Variants in SBF2 observed in about 807,000 individuals in gnomAD.
SBF2 encodes the protein SET binding factor 2.
In SBF2, 112 loss-of-function variants were observed where a neutral mutation model predicts 225.2. That is an observed-to-expected ratio of 0.50 (90% CI 0.43 to 0.58). The LOEUF (loss-of-function observed/expected upper bound fraction) is 0.58. Among genes scored for constraint, SBF2 ranks in the 20% least tolerant of loss-of-function variants. The pLI, the probability that SBF2 is intolerant of heterozygous loss-of-function variation, is 0.00. For synonymous variants in SBF2, 763 were observed against 773.3 expected (o/e 0.99, Z 0.22); for missense variants, 1,996 against 2,206.2 (o/e 0.90, Z 1.91).
chr11:9,802,840 C>A lies in SBF2; in HGVS notation c.4443+5160G>T, dbSNP rs1853569719. 2.0e-5 allele frequency among the ~76,000 whole-genome samples: 3 copies of A among 152,140 alleles called. 1 individual carries two copies. Among genetic ancestry groups the A allele is most frequent in the Admixed American group, 6.5e-5 (1 of 15,272 alleles). ...CTCTGTTTTTGAGTGAATAAACAAT[C>A]CCTTTTCAGCACAAAATAATTTGCA... is the stretch of plus-strand genomic sequence containing the variant. On this transcript the variant is annotated intron_variant, in intron 32 of 39. Coordinates refer to ENST00000256190, the MANE Select transcript of SBF2 (RefSeq NM_030962.4).
At chr11:9,823,603 G>T (rs74924820) in intron 28 of SBF2, among the ~76,000 whole-genome samples, 1 of 152,098 alleles carries the variant, frequency 6.6e-6, no homozygotes, top group Non-Finnish European at 1.5e-5. Context: ...ACTGTGAGTC[G>T]GTACAAGGAA....
rs1042978409 is a variant in SBF2, at chr11:10,164,434, C to T, written c.141+29468G>A. On this transcript the variant is annotated intron_variant, in intron 2 of 39. Transcript: ENST00000256190. ...ACTTTAAACTAAAAGAAATCAATCA[C>T]ATTTCCTATTCAAAAGAAACACACA... 3.9e-5 allele frequency among the ~76,000 whole-genome samples: 6 copies of T among 152,134 alleles called. No individual in the cohort carries two copies. In the South Asian group the frequency reaches 6.2e-4, roughly 16 times the overall value.
At position 10,000,577 on chromosome 11, in the gene SBF2, C is replaced by T. The variant is rs147955568; in HGVS notation, c.861+337G>A. Reference sequence around the variant, plus strand: ...TTATCAGGAATTTGGTATCAAGACACGTCTCACTTCAAAATATAAAACAAT... The same window carrying T: ...TTATCAGGAATTTGGTATCAAGACATGTCTCACTTCAAAATATAAAACAAT... On this transcript the variant is annotated intron_variant, in intron 8 of 39. Coordinates refer to ENST00000256190, the MANE Select transcript of SBF2 (RefSeq NM_030962.4). Among the ~76,000 whole-genome samples the T allele has an allele frequency of 2.9e-3, 441 of 152,142 alleles. 2 individuals carry two copies. Among genetic ancestry groups the T allele is most frequent in the Middle Eastern group, 0.01 (3 of 294 alleles).
chr11:10,151,993 A>G (rs1003848609), intron 2 of SBF2, among the ~76,000 whole-genome samples: 1 of 152,166 alleles, frequency 6.6e-6, no homozygotes, highest in African/African-American at 2.4e-5. Context: ...TATTTTCTGT[A>G]GCATTGTCAA....
Position 9,787,509 on chromosome 11 carries a change from C to G in SBF2, c.5037+125G>C, listed in dbSNP as rs572254060. 10 of 770,940 alleles carry G rather than the reference C, an allele frequency of 1.3e-5. No individual in the cohort carries two copies. In the South Asian group the frequency reaches 1.5e-4, roughly 11 times the overall value. The allele number at this position is 770,940 out of a possible 1,614,324, so 47.8% of individuals were successfully genotyped here. On this transcript the variant is annotated intron_variant, in intron 36 of 39. Transcript: ENST00000256190. ...CTGGACCTCCAGGACATGACCCCTC[C>G]CCTTTCCACCCTTCCTTCTGGCCAT... is the stretch of plus-strand genomic sequence containing the variant.
rs1399471736 is a variant in SBF2, at chr11:9,832,223, C to T, written c.3652+1G>A. On this transcript the variant is annotated splice_donor_variant, in intron 27 of 39. Transcript: ENST00000256190. LOFTEE classifies it high-confidence loss of function. ...TAATTGTGTTATAGAGAGATGCTTA[C>T]CGGCCTGAGGGGAGTTCTGAGATTT... is the stretch of plus-strand genomic sequence containing the variant. The T allele has an allele frequency of 6.2e-7, 1 of 1,613,350 alleles. No homozygotes were observed. The highest frequency in any genetic ancestry group is 1.1e-5 in the South Asian group (1 of 91,058).
chr11:9,995,433 G>T (rs897516596), intron 9 of SBF2, among the ~76,000 whole-genome samples: 1 of 152,166 alleles, frequency 6.6e-6, no homozygotes, highest in Non-Finnish European at 1.5e-5. Flanking sequence ...GGCAGTTCAA[G>T]TCACTGAATC....
intron 1 of SBF2, among the ~76,000 whole-genome samples, chr11:10,268,484 A>T (rs1377842409): frequency 5.9e-5 from 9 of 152,218 alleles, no homozygotes; most frequent in African/African-American, 1.9e-4. Context: ...CAATGGATCA[A>T]CGAAAAAGAT....
intron 20 of SBF2, 85 bp from the exon 21 acceptor site, chr11:9,852,834 A>C (rs1857053480): frequency 9.4e-6 from 10 of 1,067,658 alleles, no homozygotes; most frequent in Non-Finnish European, 1.5e-5. Flanking sequence ...ATTAAAAGTT[A>C]ATTACAGTTT....
chr11:9,994,259 G>A (rs1947571329), intron 9 of SBF2, among the ~76,000 whole-genome samples: 1 of 151,566 alleles, frequency 6.6e-6, no homozygotes, highest in Admixed American at 6.6e-5. Flanking sequence ...CAGATCACGA[G>A]GTCAGGAGAT....
chr11:9,809,103 TA>T, intron 30 of SBF2, 101 bp from the exon 31 acceptor site: 1 of 814,350 alleles, frequency 1.2e-6, no homozygotes, highest in Non-Finnish European at 2.1e-6. Flanking sequence ...GACTTAGGGA[TA>T]AAGCGCTTGC....
intron 1 of SBF2, among the ~76,000 whole-genome samples, chr11:10,275,381 T>C (rs192736977): frequency 4.6e-5 from 7 of 152,322 alleles, no homozygotes; most frequent in South Asian, 2.1e-4. Context: ...CAAAGTATAT[T>C]TGATTCTCTG....
intron 2 of SBF2, among the ~76,000 whole-genome samples, chr11:10,188,297 A>G (rs1477714957): frequency 6.6e-6 from 1 of 152,238 alleles, no homozygotes; most frequent in Non-Finnish European, 1.5e-5. Context: ...AGGATAAGCC[A>G]TAAGGGTGAT....
chr11:9,909,669 CA>C (rs10595029), intron 16 of SBF2, among the ~76,000 whole-genome samples: 54,153 of 122,952 alleles, frequency 0.44, 11,550 homozygotes, highest in Non-Finnish European at 0.56. Flanking sequence ...GACTCTGTCT[CA>C]AAAAAAAAAA....
intron 2 of SBF2, among the ~76,000 whole-genome samples, chr11:10,120,150 AC>A (rs2135048417): frequency 6.6e-6 from 1 of 152,242 alleles, no homozygotes; most frequent in South Asian, 2.1e-4. Flanking sequence ...GAGTTTGACT[AC>A]TTTAGAGACC....
At chr11:9,800,487 A>T (rs1853424811) in intron 32 of SBF2, among the ~76,000 whole-genome samples, 1 of 151,196 alleles carries the variant, frequency 6.6e-6, no homozygotes. Flanking sequence ...GCTCACTGCA[A>T]GCTCCACCTC....
At chr11:10,165,996 G>A (rs1388630749) in intron 2 of SBF2, among the ~76,000 whole-genome samples, 1 of 152,022 alleles carries the variant, frequency 6.6e-6, no homozygotes, top group Non-Finnish European at 1.5e-5. Flanking sequence ...CAATGAAGGC[G>A]AGTATACATA....
chr11:9,815,451 C>A (rs368588846), intron 29 of SBF2, among the ~76,000 whole-genome samples: 139 of 54,112 alleles, frequency 2.6e-3, no homozygotes, highest in African/African-American at 7.5e-3. Context: ...GACTCCATCT[C>A]AAAAACTTAA....
intron 27 of SBF2, among the ~76,000 whole-genome samples, chr11:9,831,010 T>C (rs1182488436): frequency 6.6e-6 from 1 of 152,088 alleles, no homozygotes; most frequent in African/African-American, 2.4e-5. Flanking sequence ...TTTATTTCAT[T>C]TTTTTTGAGA....
Sources: allele counts gnomAD v4.1 joint callset (sites outside exome capture counted in the v4.1 genomes callset), GRCh38; gene constraint gnomAD v4.1.1; transcripts MANE v1.5; gene names NCBI Gene and HGNC (gene_info 2026-07-23, HGNC 2026-07-21).